Variants in NCOR2 observed in about 807,000 individuals in gnomAD.
NCOR2 encodes nuclear receptor corepressor 2.
NCOR2 carries 81 observed loss-of-function variants against 262.9 expected under a neutral mutation model. That is an observed-to-expected ratio of 0.31 (90% CI 0.26 to 0.37). NCOR2 has a LOEUF of 0.37. Ranked by LOEUF, NCOR2 falls within the 10% of genes least tolerant of loss-of-function variation. The pLI is 1.00. For missense variants in NCOR2, 3,385 were observed against 3,621.4 expected (o/e 0.93, Z 1.68); for synonymous variants, 1,659 against 1,559.3 (o/e 1.06, Z -1.51).
At chr12:124,355,140 T>C (rs536851352) in intron 24 of NCOR2, 2 of 614,318 alleles carry the variant, frequency 3.3e-6, no homozygotes, top group South Asian at 2.0e-5. Flanking sequence ...TCTGAGCCCC[T>C]TGCATTTGCC....
At chr12:124,533,097 C>T (rs2050933503) in intron 1 of NCOR2, among the ~76,000 whole-genome samples, 1 of 150,248 alleles carries the variant, frequency 6.7e-6, no homozygotes. Context: ...AATCCCAATC[C>T]TCCTTCCCCT....
At chr12:124,374,668 C>G (rs997540672) in intron 18 of NCOR2, among the ~76,000 whole-genome samples, 1 of 152,254 alleles carries the variant, frequency 6.6e-6, no homozygotes, top group African/African-American at 2.4e-5. Context: ...CACAGGTGAC[C>G]TGCAATAGCC....
chr12:124,345,520 T>C (rs4765549), intron 31 of NCOR2, among the ~76,000 whole-genome samples: 21,241 of 152,204 alleles, frequency 0.14, 1,567 homozygotes, highest in South Asian at 0.27. Context: ...CTGCCTCTTT[T>C]CAGCAGGCTT....
chr12:124,427,579 C>A (rs543558718), intron 10 of NCOR2, among the ~76,000 whole-genome samples: 5 of 152,224 alleles, frequency 3.3e-5, no homozygotes, highest in Non-Finnish European at 7.3e-5. Context: ...CCTCTTCACT[C>A]AATGTGCAGG....
At chr12:124,526,315 C>T (rs2050465498) in intron 1 of NCOR2, among the ~76,000 whole-genome samples, 1 of 152,162 alleles carries the variant, frequency 6.6e-6, no homozygotes, top group Admixed American at 6.5e-5. Flanking sequence ...ATGTGTGAAC[C>T]CCCACTCCCA....
chr12:124,480,779 C>T (rs889954368), intron 3 of NCOR2, among the ~76,000 whole-genome samples: 1 of 143,326 alleles, frequency 7.0e-6, no homozygotes, highest in African/African-American at 2.5e-5. Flanking sequence ...CAAGGGCTGA[C>T]TGGGCTCACA....
At position 124,503,031 on chromosome 12, in the gene NCOR2, T is replaced by G. The variant is rs1379286430; in HGVS notation, c.-117-7663A>C. Reference sequence around the variant, plus strand: ...TACCCAACCCCAGCCTGTCGTTGGCTCTGCCGGAGGGGCTGAGGGTCAAAT... The same window carrying G: ...TACCCAACCCCAGCCTGTCGTTGGCGCTGCCGGAGGGGCTGAGGGTCAAAT... On this transcript the variant is annotated intron_variant, in intron 1 of 46. Coordinates refer to the NCOR2 transcript ENST00000404621. This position sits in a 1 kb window ranked among gnomAD's most constrained non-coding sequence, Gnocchi z 4.3. Among the ~76,000 whole-genome samples, 1 of 152,184 alleles carries G rather than the reference T, an allele frequency of 6.6e-6. No individual in the cohort carries two copies. Among genetic ancestry groups the G allele is most frequent in the East Asian group, 1.9e-4 (1 of 5,190 alleles).
intron 5 of NCOR2, among the ~76,000 whole-genome samples, chr12:124,460,953 G>A (rs1013673947): frequency 1.3e-5 from 2 of 152,214 alleles, no homozygotes; most frequent in African/African-American, 4.8e-5. Context: ...TCTTCCCCAT[G>A]CGGGCCCAAG....
At chr12:124,473,062 C>G in exon 4 of NCOR2, 1 of 1,614,146 alleles carries the variant, frequency 6.2e-7, no homozygotes, top group South Asian at 1.1e-5. Flanking sequence ...GGCACCAGCT[C>G]CAGCTCAGGG....
At chr12:124,383,003 C>A (rs1349949226) in intron 17 of NCOR2, among the ~76,000 whole-genome samples, 1 of 152,154 alleles carries the variant, frequency 6.6e-6, no homozygotes, top group Non-Finnish European at 1.5e-5. Context: ...CCCTGCTCTG[C>A]ACCATCCTTC....
chr12:124,512,886 C>T (rs147954546), intron 1 of NCOR2, among the ~76,000 whole-genome samples: 391 of 152,356 alleles, frequency 2.6e-3, no homozygotes, highest in African/African-American at 9.1e-3. Context: ...AGTGAGTCAC[C>T]CCCACTCCAC....
chr12:124,441,806 C>T (rs990623465), intron 7 of NCOR2, among the ~76,000 whole-genome samples: 1 of 152,228 alleles, frequency 6.6e-6, no homozygotes, highest in African/African-American at 2.4e-5. Flanking sequence ...TAGGGCAGAG[C>T]CCCCTATCAT....
Position 124,454,792 on chromosome 12 carries a change from C to A in NCOR2, c.762+2314G>T, listed in dbSNP as rs544008960. Among the ~76,000 whole-genome samples the A allele has an allele frequency of 6.6e-6, 1 of 152,184 alleles. No homozygotes were observed. Among genetic ancestry groups the A allele is most frequent in the Non-Finnish European group, 1.5e-5 (1 of 68,040 alleles). ...GGGTTAACAGAGGATCTAGCAATTCCACGCCTAGGTACACACCCAGGAGAA... is the reference window on the plus strand; with the variant it reads ...GGGTTAACAGAGGATCTAGCAATTCAACGCCTAGGTACACACCCAGGAGAA... On this transcript the variant is annotated intron_variant, in intron 6 of 46. Transcript: ENST00000405201. This position sits in a 1 kb window ranked among gnomAD's most constrained non-coding sequence, Gnocchi z 5.6.
chr12:124,405,279 G>A (rs2042218344), intron 13 of NCOR2, among the ~76,000 whole-genome samples: 1 of 152,200 alleles, frequency 6.6e-6, no homozygotes, highest in African/African-American at 2.4e-5. Context: ...TACAGAACAG[G>A]AAACTGAGGC....
At chr12:124,557,999 C>T (rs952698605) in intron 1 of NCOR2, among the ~76,000 whole-genome samples, 1 of 152,106 alleles carries the variant, frequency 6.6e-6, no homozygotes, top group Non-Finnish European at 1.5e-5. Context: ...GGAGCTGCAT[C>T]CGGCCCCAAC....
chr12:124,564,168 C>T (rs1014520669), intron 1 of NCOR2, among the ~76,000 whole-genome samples: 5 of 152,204 alleles, frequency 3.3e-5, no homozygotes, highest in African/African-American at 4.8e-5. Flanking sequence ...GAGAGTTCGC[C>T]GGATGGGTTG....
At chr12:124,375,697 C>T (rs781321163) in intron 18 of NCOR2, among the ~76,000 whole-genome samples, 1 of 152,198 alleles carries the variant, frequency 6.6e-6, no homozygotes, top group Non-Finnish European at 1.5e-5. Flanking sequence ...TCACCAAATG[C>T]GCCTTGGATA....
upstream of NCOR2, among the ~76,000 whole-genome samples, chr12:124,499,279 C>T (rs79295916): frequency 0.029 from 4,365 of 152,350 alleles, 87 homozygotes; most frequent in Middle Eastern, 0.058. Context: ...ACACAAACGC[C>T]CCATGTCGCC....
At chr12:124,347,956 C>G (rs758468911) in intron 29 of NCOR2, 45 bp from the exon 32 acceptor site, 3 of 1,535,786 alleles carry the variant, frequency 2.0e-6, no homozygotes, top group East Asian at 4.9e-5. Flanking sequence ...CTCCCTGAGC[C>G]GACACTGGGC....
Sources: gnomAD v4.1 joint callset for allele counts (sites outside exome capture counted in the v4.1 genomes callset) on GRCh38, gnomAD v4.1.1 for gene constraint, Gnocchi (gnomAD v3.1) non-coding constraint, MANE v1.5 for transcripts, NCBI Gene and HGNC (gene_info 2026-07-23, HGNC 2026-07-21) for gene names.